Variants in MYO9A observed in about 807,000 individuals in gnomAD.
MYO9A encodes the protein unconventional myosin-IXa.
In MYO9A, 103 loss-of-function variants were observed where a neutral mutation model predicts 293.3. The observed-to-expected ratio is 0.35, with a 90% CI of 0.30 to 0.41. The LOEUF is 0.41. Ranked by LOEUF, MYO9A falls within the 10% of genes least tolerant of loss-of-function variation. MYO9A has a pLI of 1.00. For missense variants in MYO9A, 2,685 were observed against 3,033.0 expected (o/e 0.89, Z 2.69); for synonymous variants, 1,001 against 1,035.7 (o/e 0.97, Z 0.64).
intron 1 of MYO9A, among the ~76,000 whole-genome samples, chr15:72,098,294 CCA>C (rs2080132735): frequency 6.6e-6 from 1 of 151,738 alleles, no homozygotes; most frequent in South Asian, 2.1e-4. Context: ...ATGGAAAAAC[CCA>C]CATGGAAGGG....
intron 12 of MYO9A, among the ~76,000 whole-genome samples, chr15:71,973,238 C>T (rs1460832913): frequency 6.6e-6 from 1 of 152,148 alleles, no homozygotes; most frequent in Non-Finnish European, 1.5e-5. Flanking sequence ...CTGCACCCCA[C>T]CCCACCTTCA....
intron 19 of MYO9A, among the ~76,000 whole-genome samples, chr15:71,911,038 T>C (rs1387585613): frequency 6.6e-6 from 1 of 152,126 alleles, no homozygotes; most frequent in East Asian, 1.9e-4. Flanking sequence ...AGAACTCCTC[T>C]ATCACCCCCA....
intron 12 of MYO9A, among the ~76,000 whole-genome samples, chr15:71,971,679 C>T (rs2076015713): frequency 6.6e-6 from 1 of 151,536 alleles, no homozygotes; most frequent in African/African-American, 2.4e-5. Context: ...GACGGAACAT[C>T]ATCATGTACC....
chr15:72,039,487 G>A (rs1220141007), intron 2 of MYO9A, among the ~76,000 whole-genome samples: 1 of 151,922 alleles, frequency 6.6e-6, no homozygotes, highest in African/African-American at 2.4e-5. Flanking sequence ...AAACCAGATA[G>A]GATTTAAATA....
At position 71,851,214 on chromosome 15, in the gene MYO9A, GA is replaced by G. The variant is rs759820705; in HGVS notation, c.6581+38del. Reference sequence around the variant, plus strand: ...CTTATCTATTTAAAATAATCCAAGAGAAACTATTAAAAATCGTTCCCTTGCT... The same window carrying G: ...CTTATCTATTTAAAATAATCCAAGAGAACTATTAAAAATCGTTCCCTTGCT... On this transcript the variant is annotated intron_variant, in intron 37 of 41. Transcript: ENST00000356056. The G allele has an allele frequency of 4.1e-6, 6 of 1,450,896 alleles. No homozygotes were observed. The African/African-American group carries it at 8.4e-5, about 20-fold the overall frequency. 89.9% of individuals were successfully genotyped at this position (1,450,896 alleles called of 1,614,324 possible).
chr15:71,865,711 T>A (rs1285836308), intron 32 of MYO9A, among the ~76,000 whole-genome samples: 1 of 152,324 alleles, frequency 6.6e-6, no homozygotes, highest in East Asian at 1.9e-4. Flanking sequence ...GATAATGTTC[T>A]CAAATTATAT....
At chr15:71,863,710 T>C (rs2056227831) in intron 32 of MYO9A, among the ~76,000 whole-genome samples, 1 of 152,200 alleles carries the variant, frequency 6.6e-6, no homozygotes. Flanking sequence ...TGTAATTTTG[T>C]TACATGCATA....
At chr15:71,920,010 T>C (rs147747874) in intron 18 of MYO9A, among the ~76,000 whole-genome samples, 368 of 152,246 alleles carry the variant, frequency 2.4e-3, no homozygotes, top group East Asian at 4.4e-3. Flanking sequence ...TAAGGATACA[T>C]TGCATTCAAG....
intron 32 of MYO9A, among the ~76,000 whole-genome samples, chr15:71,866,824 C>T (rs926513053): frequency 2.6e-5 from 4 of 152,116 alleles, no homozygotes; most frequent in Non-Finnish European, 5.9e-5. Context: ...TTTGGGACGC[C>T]GAGGCGGGTG....
At chr15:71,880,955 T>C (rs141320696) in intron 28 of MYO9A, among the ~76,000 whole-genome samples, 31 of 152,336 alleles carry the variant, frequency 2.0e-4, no homozygotes, top group African/African-American at 7.5e-4. Context: ...CTTTGCTACA[T>C]GTTTGAAACA....
At chr15:72,020,881 T>C (rs766018162) in intron 5 of MYO9A, 37 bp downstream of exon 5, 2 of 1,245,378 alleles carry the variant, frequency 1.6e-6, no homozygotes, top group Non-Finnish European at 2.2e-6. Flanking sequence ...AATTTAATAC[T>C]GCCCTATACT....
intron 39 of MYO9A, among the ~76,000 whole-genome samples, chr15:71,843,540 G>A (rs2055257837): frequency 6.6e-6 from 1 of 152,146 alleles, no homozygotes; most frequent in African/African-American, 2.4e-5. Flanking sequence ...TCAGGCTGGC[G>A]TGCAGTGGTG....
intron 39 of MYO9A, among the ~76,000 whole-genome samples, chr15:71,842,278 G>A (rs1275989123): frequency 6.6e-6 from 1 of 151,824 alleles, no homozygotes; most frequent in Non-Finnish European, 1.5e-5. Context: ...TCGGGAGGCT[G>A]AGGCATGAGA....
At chr15:72,010,837 T>C (rs985682855) in intron 6 of MYO9A, among the ~76,000 whole-genome samples, 5 of 152,192 alleles carry the variant, frequency 3.3e-5, no homozygotes, top group African/African-American at 1.2e-4. Context: ...ATACTATTTA[T>C]TCAACAAATA....
In MYO9A at chr15:71,897,687, C is replaced by T. The variant is rs1489685891; in HGVS notation, c.4816G>A (p.Glu1606Lys). The T allele has an allele frequency of 1.2e-6, 2 of 1,614,086 alleles. No homozygotes were observed. Among genetic ancestry groups the T allele is most frequent in the East Asian group, 4.5e-5 (2 of 44,882 alleles). The change falls in exon 25 of 42, where the codon GAA (glutamate) becomes AAA (lysine). Residue 1606 changes from glutamate (E) to lysine (K), a missense_variant. Physicochemically the swap from Glu to Lys is moderately conservative, Grantham distance 56. This residue lies in a region of MYO9A where 1,434 missense variants were observed against 1,497.7 expected (regional missense o/e 0.96). Coordinates refer to ENST00000356056, the MANE Select transcript of MYO9A (RefSeq NM_006901.4). ...GATTGGCATGGACTTCCTTTTCTTT[C>T]AAAGAACACGGTGACAGGTCGGTCC... ...PKDRPVTVFF[E>K]RKGSPCQSST...
At chr15:71,936,448 T>A (rs1394786153) in intron 16 of MYO9A, among the ~76,000 whole-genome samples, 2 of 152,250 alleles carry the variant, frequency 1.3e-5, no homozygotes, top group African/African-American at 4.8e-5. Flanking sequence ...AGGTATTGTA[T>A]ACCTGAAAAC....
intron 32 of MYO9A, among the ~76,000 whole-genome samples, chr15:71,874,865 G>C (rs561923175): frequency 6.6e-6 from 1 of 152,204 alleles, no homozygotes; most frequent in East Asian, 1.9e-4. Flanking sequence ...TTTTCCCAAT[G>C]GCTAGATATT....
chr15:72,036,502 C>T (rs1160834268), intron 2 of MYO9A: 1 of 152,094 alleles, frequency 6.6e-6, no homozygotes, highest in Non-Finnish European at 1.5e-5. Flanking sequence ...TATTACTACT[C>T]CTTTCTCTTT....
rs1323065207 is a variant in MYO9A, at chr15:71,824,138, C to A, written c.*2442G>T. ...TTTGTGGCTCTCTCCTCCTCACCCA[C>A]CCACCCCAATCCTGGCAGATTAAAT... On this transcript the variant is annotated 3_prime_UTR_variant, in exon 42 of 42. Coordinates refer to ENST00000356056, the MANE Select transcript of MYO9A (RefSeq NM_006901.4). 6.6e-6 allele frequency: 1 copy of A among 152,166 alleles called. No homozygotes were observed. The highest frequency in any genetic ancestry group is 1.5e-5 in the Non-Finnish European group (1 of 68,030). The allele number at this position is 152,166 out of a possible 1,614,324, so 9.4% of individuals were successfully genotyped here.
Sources: gnomAD v4.1 joint callset for allele counts (sites outside exome capture counted in the v4.1 genomes callset) on GRCh38, gnomAD v4.1.1 for gene constraint, gnomAD v4.1.1 regional missense constraint, MANE v1.5 for transcripts, NCBI Gene and HGNC (gene_info 2026-07-23, HGNC 2026-07-21) for gene names.